Variants in FANCA observed in about 807,000 individuals in gnomAD.
The protein encoded by FANCA is FA complementation group A, also known as Fanconi anemia group A protein.
FANCA carries 236 observed loss-of-function variants against 194.3 expected under a neutral mutation model. That is an observed-to-expected ratio of 1.21 (90% CI 1.09 to 1.35). The LOEUF is 1.35. Ranked by LOEUF, FANCA falls within the 40% of genes most tolerant of loss-of-function variation. The pLI, the probability that FANCA is intolerant of heterozygous loss-of-function variation, is 0.00. For synonymous variants in FANCA, 1,014 were observed against 715.8 expected, an observed-to-expected ratio of 1.42 and a Z score of -6.65; for missense variants, 2,628 against 1,813.9, an observed-to-expected ratio of 1.45 and a Z score of -8.15.
At chr16:89,791,850 A>C in intron 13 of FANCA, 77 bp downstream of exon 13, 2 of 1,573,016 alleles carry the variant, frequency 1.3e-6, no homozygotes, top group Non-Finnish European at 8.7e-7. Flanking sequence ...AGGCTCACCC[A>C]CAGTCAGCTG....
chr16:89,808,307 C>G lies in FANCA; in HGVS notation c.583G>C (p.Glu195Gln). The G allele has an allele frequency of 6.2e-7, 1 of 1,614,136 alleles. No individual in the cohort carries two copies. Among genetic ancestry groups the G allele is most frequent in the South Asian group, 1.1e-5 (1 of 91,084 alleles). ...TTAGCACGCTACCTTTCCAGCAGCT[C>G]TTGCAGGCTCACAATGCCTTGTACG... Reference protein sequence around the residue: ...LHVQGIVSLQELLESHPDMHA... With the variant: ...LHVQGIVSLQQLLESHPDMHA... The change falls in exon 6 of 43, where the codon GAG becomes CAG. Residue 195 changes from glutamate (E) to glutamine (Q), a missense_variant. Glu to Gln is a conservative substitution (Grantham distance 29). Coordinates refer to ENST00000389301, the MANE Select transcript of FANCA (RefSeq NM_000135.4).
chr16:89,800,943 G>A (rs907536341), intron 8 of FANCA, among the ~76,000 whole-genome samples: 1 of 149,840 alleles, frequency 6.7e-6, no homozygotes, highest in South Asian at 2.1e-4. Context: ...TGAGGCAGGA[G>A]AATAGCTTGA....
chr16:89,770,206 G>T lies in FANCA; in HGVS notation c.2276C>A (p.Pro759His). 1 of 1,594,218 alleles carries T rather than the reference G, an allele frequency of 6.3e-7. No individual in the cohort carries two copies. Among genetic ancestry groups the T allele is most frequent in the East Asian group, 2.3e-5 (1 of 44,234 alleles). ...FVRTMCGRVL[P>H]AVLTRLCQLL... ...CTGGCAGAGCCGGGTGAGCACTGCA[G>T]GGAGCACACGTCCACACATGGTCCT... Residue 759 changes from proline (P) to histidine (H), a missense_variant, in exon 25 of 43, where the codon CCT (proline) becomes CAT (histidine). Physicochemically the swap from Pro to His is moderately conservative, Grantham distance 77. Transcript: ENST00000389301.
chr16:89,797,700 G>A (rs1004192006), intron 10 of FANCA, among the ~76,000 whole-genome samples: 1 of 152,156 alleles, frequency 6.6e-6, no homozygotes, highest in African/African-American at 2.4e-5. Flanking sequence ...CCAATATAGT[G>A]AAACCCCATG....
At chr16:89,805,158 C>G (rs2040591572) in intron 7 of FANCA, 122 bp downstream of exon 7, 1 of 759,542 alleles carries the variant, frequency 1.3e-6, no homozygotes, top group Non-Finnish European at 2.3e-6. Flanking sequence ...GTCTGTCATG[C>G]CAGGTTCCCA....
chr16:89,744,974 C>T lies in FANCA; in HGVS notation c.3611G>A (p.Arg1204Gln), dbSNP rs770622823. 1.1e-5 allele frequency: 17 copies of T among 1,611,674 alleles called. No homozygotes were observed. The highest frequency in any genetic ancestry group is 2.7e-5 in the African/African-American group (2 of 74,934). Residue 1204 changes from arginine to glutamine, a missense_variant, in exon 36 of 43, where the codon CGG (arginine) becomes CAG (glutamine). Physicochemically the swap from Arg to Gln is conservative, Grantham distance 43. Coordinates refer to ENST00000389301, the MANE Select transcript of FANCA (RefSeq NM_000135.4). ...PRELQKLQEG[R>Q]QFASDFLSPE... Reference sequence around the variant, plus strand: ...CCACACGTACTCGCTGGCAAACTGCCGGCCTTCTTGTAGCTTCTGCAGTTC... The same window carrying T: ...CCACACGTACTCGCTGGCAAACTGCTGGCCTTCTTGTAGCTTCTGCAGTTC...
chr16:89,768,881 C>T (rs3890534), intron 26 of FANCA, among the ~76,000 whole-genome samples: 18,724 of 151,698 alleles, frequency 0.12, 2,076 homozygotes, highest in East Asian at 0.54. Context: ...CTCCCAACTT[C>T]TCCATTGGCT....
intron 22 of FANCA, among the ~76,000 whole-genome samples, chr16:89,772,281 T>G (rs2039352653): frequency 6.6e-6 from 1 of 152,232 alleles, no homozygotes; most frequent in Non-Finnish European, 1.5e-5. Context: ...CTGGAACTTT[T>G]CCTCCATGTC....
At chr16:89,766,007 T>A (rs548251563) in intron 27 of FANCA, among the ~76,000 whole-genome samples, 271 of 152,060 alleles carry the variant, frequency 1.8e-3, no homozygotes, top group Middle Eastern at 6.8e-3. Flanking sequence ...TTATTTTTTT[T>A]TTTTTTTGAG....
chr16:89,739,199 G>C lies in FANCA; in HGVS notation c.4101C>G (p.Leu1367=). The C allele has an allele frequency of 6.2e-7, 1 of 1,614,194 alleles. No individual in the cohort carries two copies. The highest frequency in any genetic ancestry group is 1.1e-5 in the South Asian group (1 of 91,090). ...CTGTGCTTGTATCCCCAGCCACGAAGAGCTGGACCAGCTTCAAGTACATGT... is the reference window on the plus strand; with the variant it reads ...CTGTGCTTGTATCCCCAGCCACGAACAGCTGGACCAGCTTCAAGTACATGT... ...AVDMYLKLVQ[L]FVAGDTSTVS... is the part of the protein sequence containing the mutation. Residue 1367 remains leucine, a synonymous_variant, in exon 41 of 43, where the codon CTC becomes CTG. Transcript: ENST00000389301.
At chr16:89,741,544 C>T (rs980395588) in intron 37 of FANCA, among the ~76,000 whole-genome samples, 3 of 152,168 alleles carry the variant, frequency 2.0e-5, no homozygotes, top group Non-Finnish European at 2.9e-5. Context: ...TCCTGTTCTG[C>T]ACACACCACC....
At chr16:89,801,747 G>A (rs2040461068) in intron 8 of FANCA, among the ~76,000 whole-genome samples, 1 of 151,966 alleles carries the variant, frequency 6.6e-6, no homozygotes, top group Admixed American at 6.6e-5. Context: ...AATTAGCTGG[G>A]CATGGTGGTG....
intron 5 of FANCA, 21 bp downstream of exon 5, chr16:89,810,686 G>GA (rs2040843280): frequency 6.8e-7 from 1 of 1,476,498 alleles, no homozygotes; most frequent in African/African-American, 1.4e-5. Context: ...TGGAGAGTCA[G>GA]ATTTGCAATC....
intron 11 of FANCA, among the ~76,000 whole-genome samples, chr16:89,794,030 G>A (rs1468846568): frequency 3.3e-5 from 5 of 152,016 alleles, no homozygotes; most frequent in Admixed American, 1.3e-4. Context: ...GATTACAGGC[G>A]TGAGCCACTG....
intron 39 of FANCA, 149 bp from the exon 40 acceptor site, chr16:89,739,702 G>T: frequency 2.7e-6 from 4 of 1,507,070 alleles, no homozygotes; most frequent in Non-Finnish European, 3.6e-6. Context: ...GGATACCCAG[G>T]TACCTGTCAG....
In FANCA at chr16:89,740,814, A is replaced by C; in HGVS notation, c.3818T>G (p.Leu1273Arg). The C allele has an allele frequency of 6.2e-7, 1 of 1,613,670 alleles. No individual in the cohort carries two copies. The highest frequency in any genetic ancestry group is 8.5e-7 in the Non-Finnish European group (1 of 1,179,776). The change falls in exon 38 of 43, where the codon CTG becomes CGG. Residue 1273 changes from leucine to arginine, a missense_variant. Leu to Arg is a moderately radical substitution (Grantham distance 102). Coordinates refer to ENST00000389301, the MANE Select transcript of FANCA (RefSeq NM_000135.4). The stretch of plus-strand genomic sequence containing the variant: ...TAAGGTCTGACTTACATTTGAGGTC[A>C]GATGTGACGACAGCAGGCCCATCAA... ...FSLMGLLSSH[L>R]TSNSTTDLPK...
intron 10 of FANCA, among the ~76,000 whole-genome samples, chr16:89,796,376 C>G (rs2040248404): frequency 6.6e-6 from 1 of 152,156 alleles, no homozygotes. Flanking sequence ...GACGGGGCCT[C>G]AGCGGCACCC....
At chr16:89,790,808 CCT>C (rs1181345170) in intron 14 of FANCA, among the ~76,000 whole-genome samples, 2 of 151,614 alleles carry the variant, frequency 1.3e-5, no homozygotes, top group South Asian at 2.1e-4. Flanking sequence ...TTCTGTGTCC[CCT>C]CTTTCCTGAT....
At chr16:89,786,189 T>A (rs964965033) in intron 14 of FANCA, among the ~76,000 whole-genome samples, 4 of 151,340 alleles carry the variant, frequency 2.6e-5, no homozygotes, top group Non-Finnish European at 5.9e-5. Context: ...CGGTTTTTTT[T>A]TTCCTTTTTT....
Sources: gnomAD v4.1 joint callset for allele counts (sites outside exome capture counted in the v4.1 genomes callset) on GRCh38, gnomAD v4.1.1 for gene constraint, MANE v1.5 for transcripts, NCBI Gene and HGNC (gene_info 2026-07-23, HGNC 2026-07-21) for gene names.